Variants in DOP1B observed in about 807,000 individuals in gnomAD.
The protein encoded by DOP1B is protein DOP1B.
In DOP1B, 174 loss-of-function variants were observed where a neutral mutation model predicts 233.5. The observed-to-expected ratio is 0.75, with a 90% CI of 0.66 to 0.85. The LOEUF is 0.85. DOP1B is among the 40% of genes least tolerant of loss of function. The probability of loss-of-function intolerance (pLI) is 0.00; values close to 1 mark genes in which losing one functional copy is unlikely to be tolerated. For missense variants in DOP1B, 2,652 were observed against 2,846.6 expected (o/e 0.93, Z 1.56); for synonymous variants, 1,190 against 1,185.6 (o/e 1.00, Z -0.08).
intron 2 of DOP1B, among the ~76,000 whole-genome samples, chr21:36,197,551 T>C (rs973014175): frequency 2.0e-5 from 3 of 152,186 alleles, no homozygotes; most frequent in African/African-American, 4.8e-5. Context: ...AAGAGTGAGA[T>C]AGTCCCTGCC....
At chr21:36,268,906 G>A (rs2067257708) in intron 26 of DOP1B, among the ~76,000 whole-genome samples, 1 of 152,138 alleles carries the variant, frequency 6.6e-6, no homozygotes, top group African/African-American at 2.4e-5. Flanking sequence ...TTGACCTTGT[G>A]ATCCGCCTGC....
chr21:36,199,271 G>A lies in DOP1B; in HGVS notation c.320+20G>A. 6.3e-6 allele frequency: 10 copies of A among 1,592,918 alleles called. No homozygotes were observed. Among genetic ancestry groups the A allele is most frequent in the Non-Finnish European group, 8.5e-6 (10 of 1,171,066 alleles). ...GTACAGGTGCGATTGCTTCTCTGCTGTGTTCCTTTTTATTACCCAAGTAAC... is the reference window on the plus strand; with the variant it reads ...GTACAGGTGCGATTGCTTCTCTGCTATGTTCCTTTTTATTACCCAAGTAAC... On this transcript the variant is annotated intron_variant, in intron 3 of 36. Transcript: ENST00000691173.
Position 36,219,437 on chromosome 21 carries a change from G to T in DOP1B, c.1195G>T (p.Ala399Ser). The change falls in exon 10 of 37, where the codon GCC becomes TCC. Residue 399 changes from alanine (A) to serine (S), a missense_variant. Ala to Ser is a moderately conservative substitution (Grantham distance 99). This residue lies in a region of DOP1B where 2,617 missense variants were observed against 2,794.3 expected (regional missense o/e 0.94). Transcript: ENST00000691173. ...GGCCTTTTATTCTTACTGCAGAGAT[G>T]CCCTTGGCTCTGATCTTAAACTTAG... ...IRAFYSYCRD[A>S]LGSDLKLSYT... 2 of 1,614,146 alleles carry T rather than the reference G, an allele frequency of 1.2e-6. No individual in the cohort carries two copies. The highest frequency in any genetic ancestry group is 1.7e-6 in the Non-Finnish European group (2 of 1,180,032).
rs574252952 is a variant in DOP1B at position 36,264,507 on chromosome 21, T to TC, written c.5487+695dup. ...GCCAGGGGGTTGGACAGAATCTCAC[T>TC]CCATCACCCAGGCTAGAGTGCAGTG... is the stretch of plus-strand genomic sequence containing the variant. On this transcript the variant is annotated intron_variant, in intron 26 of 36. Coordinates refer to ENST00000691173, the MANE Select transcript of DOP1B (RefSeq NM_001320714.2). Among the ~76,000 whole-genome samples, 24 of 151,362 alleles carry TC rather than the reference T, an allele frequency of 1.6e-4. No individual in the cohort carries two copies. In the East Asian group the frequency reaches 4.5e-3, roughly 28 times the overall value.
intron 27 of DOP1B, among the ~76,000 whole-genome samples, chr21:36,272,832 A>G (rs2067304162): frequency 6.6e-6 from 1 of 151,028 alleles, no homozygotes; most frequent in Non-Finnish European, 1.5e-5. Flanking sequence ...TAAAAATACA[A>G]AATTAGCTGG....
intron 24 of DOP1B, 75 bp from the exon 25 acceptor site, chr21:36,263,471 C>G: frequency 7.5e-7 from 1 of 1,342,138 alleles, no homozygotes; most frequent in South Asian, 1.2e-5. Flanking sequence ...CTGCCAGGAT[C>G]TTAAATATGC....
intron 17 of DOP1B, 118 bp downstream of exon 17, chr21:36,238,819 A>G: frequency 2.1e-6 from 2 of 971,602 alleles, no homozygotes; most frequent in Non-Finnish European, 3.2e-6. Flanking sequence ...ATGAACCCAT[A>G]TGACCGGGTG....
intron 4 of DOP1B, among the ~76,000 whole-genome samples, chr21:36,205,623 A>G (rs1423449089): frequency 6.6e-6 from 1 of 151,892 alleles, no homozygotes; most frequent in African/African-American, 2.4e-5. Flanking sequence ...CCTGGGCTCA[A>G]ATGATCCACC....
At chr21:36,224,708 AC>A (rs2066662396) in intron 11 of DOP1B, among the ~76,000 whole-genome samples, 1 of 147,700 alleles carries the variant, frequency 6.8e-6, no homozygotes, top group African/African-American at 2.5e-5. Context: ...TTTTTAACTT[AC>A]CCATTTATCT....
chr21:36,212,058 G>A lies in DOP1B; in HGVS notation c.865G>A (p.Asp289Asn). Reference protein sequence around the residue: ...SAATQTLLRRDMSLNRRLYAW... With the variant: ...SAATQTLLRRNMSLNRRLYAW... The stretch of plus-strand genomic sequence containing the variant: ...CGCCACCCAGACCCTACTGAGAAGG[G>A]ACATGTCCCTGAACAGAAGACTGTA... The change falls in exon 7 of 37, where the codon GAC (aspartate) becomes AAC (asparagine). Residue 289 changes from aspartate (D) to asparagine (N), a missense_variant. Transcript: ENST00000691173. The A allele has an allele frequency of 6.2e-7, 1 of 1,613,774 alleles. No homozygotes were observed.
rs980463708 is a variant in DOP1B at position 36,261,724 on chromosome 21, G to A, written c.5315+992G>A. On this transcript the variant is annotated intron_variant, in intron 24 of 36. Transcript: ENST00000691173. ...GGAGTTTGAGACCAGCCTGGCCAACGTGGTAAAACCCTATGTCTACTAAAA... is the reference window on the plus strand; with the variant it reads ...GGAGTTTGAGACCAGCCTGGCCAACATGGTAAAACCCTATGTCTACTAAAA... 6.1e-5 allele frequency: 53 copies of A among 868,456 alleles called. No individual in the cohort carries two copies. In the South Asian group the frequency reaches 1.3e-3, roughly 22 times the overall value. 53.8% of individuals were successfully genotyped at this position (868,456 alleles called of 1,614,324 possible). A position where few individuals can be genotyped will look rare whatever the true frequency, so the allele number is the denominator to read the frequency against.
chr21:36,182,626 T>G (rs2066113631), intron 2 of DOP1B, among the ~76,000 whole-genome samples: 1 of 152,076 alleles, frequency 6.6e-6, no homozygotes, highest in Non-Finnish European at 1.5e-5. Context: ...GCCAGGAGTT[T>G]GAGACCAGCC....
In DOP1B at chr21:36,173,675, G is replaced by A. The variant is rs370935935; in HGVS notation, c.138+8804G>A. On this transcript the variant is annotated intron_variant, in intron 2 of 36. Transcript: ENST00000691173. ...CCTGACCTCATGATTCATCCGCCTC[G>A]GCCTCCCAAAGTGCTGGGATTACAG... 5.3e-5 allele frequency among the ~76,000 whole-genome samples: 8 copies of A among 152,012 alleles called. No homozygotes were observed. The East Asian group carries it at 7.7e-4, about 15-fold the overall frequency.
intron 2 of DOP1B, among the ~76,000 whole-genome samples, chr21:36,195,130 C>T (rs2066275246): frequency 1.3e-5 from 2 of 152,048 alleles, no homozygotes; most frequent in African/African-American, 2.4e-5. Flanking sequence ...CACTTGTGGC[C>T]AGGAGTTCAA....
Position 36,199,112 on chromosome 21 carries a change from C to T in DOP1B, c.181C>T (p.Leu61Phe). The part of the protein sequence containing the change: ...NLRYSLLPRR[L>F]LISKRLAQCL... ...GAGGTACTCCTTGTTGCCAAGACGGCTCCTCATCAGCAAAAGATTAGCTCA... is the reference window on the plus strand; with the variant it reads ...GAGGTACTCCTTGTTGCCAAGACGGTTCCTCATCAGCAAAAGATTAGCTCA... Residue 61 changes from leucine (L) to phenylalanine (F), a missense_variant, in exon 3 of 37, where the codon CTC becomes TTC. Physicochemically the swap from Leu to Phe is conservative, Grantham distance 22. Around this residue, in one of 3 missense-constraint regions of DOP1B, gnomAD observed 2,617 missense variants for 2,794.3 expected, o/e 0.94. Coordinates refer to ENST00000691173, the MANE Select transcript of DOP1B (RefSeq NM_001320714.2). 6.2e-7 allele frequency: 1 copy of T among 1,614,064 alleles called. No homozygotes were observed. Among genetic ancestry groups the T allele is most frequent in the South Asian group, 1.1e-5 (1 of 91,058 alleles).
At chr21:36,198,243 C>T (rs915237993) in intron 2 of DOP1B, among the ~76,000 whole-genome samples, 8 of 151,892 alleles carry the variant, frequency 5.3e-5, no homozygotes, top group African/African-American at 1.2e-4. Context: ...TCCTGGCTAA[C>T]GCGGTGAAAC....
intron 30 of DOP1B, 97 bp downstream of exon 30, chr21:36,278,452 C>T: frequency 7.4e-7 from 1 of 1,355,730 alleles, no homozygotes; most frequent in Non-Finnish European, 1.0e-6. Context: ...AGAAGCAGAG[C>T]CATAGGATCA....
At position 36,253,785 on chromosome 21, in the gene DOP1B, C is replaced by T. The variant is rs759307048; in HGVS notation, c.5135C>T (p.Ala1712Val). The part of the protein sequence containing the change: ...RHSKMKIIPT[A>V]SASQLTLVDL... ...TTTTCTTGGCAGATTATCCCAACGGCAAGTGCATCCCAGCTAACCCTTGTC... is the reference window on the plus strand; with the variant it reads ...TTTTCTTGGCAGATTATCCCAACGGTAAGTGCATCCCAGCTAACCCTTGTC... The change falls in exon 23 of 37, where the codon GCA becomes GTA. Residue 1712 changes from alanine (A) to valine (V), a missense_variant. By Grantham distance (64) the Ala-to-Val change is moderately conservative. Transcript: ENST00000691173. The T allele has an allele frequency of 2.5e-6, 4 of 1,612,128 alleles. No individual in the cohort carries two copies. In the Admixed American group the frequency reaches 5.0e-5, roughly 20 times the overall value.
At chr21:36,263,991 G>A (rs752902125) in intron 26 of DOP1B, among the ~76,000 whole-genome samples, 177 bp downstream of exon 26, 3 of 152,182 alleles carry the variant, frequency 2.0e-5, no homozygotes, top group Non-Finnish European at 2.9e-5. Flanking sequence ...GGACAGTCCC[G>A]GGGCCCGGGT....
Sources: allele counts gnomAD v4.1 joint callset (sites outside exome capture counted in the v4.1 genomes callset), GRCh38; gene constraint gnomAD v4.1.1; regional missense constraint gnomAD v4.1.1; transcripts MANE v1.5; gene names NCBI Gene and HGNC (gene_info 2026-07-23, HGNC 2026-07-21).